DDX19B: variants seen among roughly 807,000 people sequenced by gnomAD.
The protein encoded by DDX19B is DEAD-box helicase 19B.
In DDX19B, 27 loss-of-function variants were observed where a neutral mutation model predicts 58.1. That is an observed-to-expected ratio of 0.46 (90% CI 0.34 to 0.64). DDX19B has a LOEUF of 0.64. Ranked by LOEUF, DDX19B falls within the 30% of genes least tolerant of loss-of-function variation. The probability of loss-of-function intolerance (pLI) is 0.01; values close to 1 mark genes in which losing one functional copy is unlikely to be tolerated. For missense variants in DDX19B, 399 were observed against 596.5 expected (o/e 0.67, Z 3.45); for synonymous variants, 187 against 214.4 (o/e 0.87, Z 1.12).
intron 1 of DDX19B, among the ~76,000 whole-genome samples, chr16:70,301,038 T>C (rs1329564416): frequency 6.6e-6 from 1 of 152,256 alleles, no homozygotes; most frequent in East Asian, 1.9e-4. Flanking sequence ...GTTACTCCTG[T>C]CTTTAGAGCA....
At chr16:70,313,940 C>A (rs1175830670) in intron 2 of DDX19B, among the ~76,000 whole-genome samples, 2 of 151,954 alleles carry the variant, frequency 1.3e-5, no homozygotes, top group African/African-American at 4.8e-5. Flanking sequence ...GAAACCCCAT[C>A]TCTACTAAAA....
At chr16:70,329,204 C>G (rs1006262375) in intron 7 of DDX19B, 88 bp from the exon 8 acceptor site, 10 of 1,479,064 alleles carry the variant, frequency 6.8e-6, no homozygotes, top group South Asian at 2.5e-5. Flanking sequence ...GCCTGGGCAA[C>G]AGAGTGAGAC....
In DDX19B at chr16:70,331,738, G is replaced by T. The variant is rs752066690; in HGVS notation, c.1040G>T (p.Ser347Ile). The T allele has an allele frequency of 6.2e-7, 1 of 1,613,962 alleles. No homozygotes were observed. Among genetic ancestry groups the T allele is most frequent in the Non-Finnish European group, 8.5e-7 (1 of 1,180,002 alleles). The change falls in exon 10 of 12, where the codon AGT becomes ATT. Residue 347 changes from serine to isoleucine, a missense_variant. Around this residue, in one of 4 missense-constraint regions of DDX19B, gnomAD observed 198 missense variants for 345.9 expected, o/e 0.57. Transcript: ENST00000288071. ...MIFCHTRKTA[S>I]WLAAELSKEG... Reference sequence around the variant, plus strand: ...TCACTACAGACTCGCAAAACAGCTAGTTGGCTGGCAGCAGAGCTCTCAAAA... The same window carrying T: ...TCACTACAGACTCGCAAAACAGCTATTTGGCTGGCAGCAGAGCTCTCAAAA...
Position 70,332,561 on chromosome 16 carries a change from A to G in DDX19B, c.1187-407A>G, listed in dbSNP as rs1963534967. Among the ~76,000 whole-genome samples, 5 of 152,074 alleles carry G rather than the reference A, an allele frequency of 3.3e-5. No homozygotes were observed. The South Asian group carries it at 1.0e-3, about 32-fold the overall frequency. The stretch of plus-strand genomic sequence containing the variant: ...GATGATCTGCCTGCCTCGGCCTCCC[A>G]AAGTGCTGGGATTACCGGTATGAGC... On this transcript the variant is annotated intron_variant, in intron 10 of 11. Transcript: ENST00000288071.
chr16:70,295,016 G>C, upstream of DDX19B: 2 of 1,362,428 alleles, frequency 1.5e-6, no homozygotes, highest in Non-Finnish European at 1.9e-6. Flanking sequence ...TATTTCTCGA[G>C]GCTTCGGCCC....
intron 5 of DDX19B, among the ~76,000 whole-genome samples, chr16:70,318,266 C>T (rs1295530901): frequency 6.7e-6 from 1 of 149,588 alleles, no homozygotes; most frequent in Non-Finnish European, 1.5e-5. Context: ...CCCAGCTACT[C>T]GGGAAGCTGA....
chr16:70,296,827 T>TGTG (rs542233569), upstream of DDX19B, among the ~76,000 whole-genome samples: 123 of 152,316 alleles, frequency 8.1e-4, no homozygotes, highest in African/African-American at 2.9e-3. Context: ...CTGGAACTGC[T>TGTG]TTACCCTTTC....
Position 70,333,774 on chromosome 16 carries a change from A to T in DDX19B, c.*192A>T. On this transcript the variant is annotated 3_prime_UTR_variant, in exon 12 of 12. Transcript: ENST00000288071. Reference sequence around the variant, plus strand: ...TGATGGGGGATGGTAGAAAAAAATTATTTACACAACCTTGGAAGATTAGGC... The same window carrying T: ...TGATGGGGGATGGTAGAAAAAAATTTTTTACACAACCTTGGAAGATTAGGC... 1 of 776,756 alleles carries T rather than the reference A, an allele frequency of 1.3e-6. No homozygotes were observed. The highest frequency in any genetic ancestry group is 2.1e-6 in the Non-Finnish European group (1 of 474,626). The allele number at this position is 776,756 out of a possible 1,614,324, so 48.1% of individuals were successfully genotyped here. A position where few individuals can be genotyped will look rare whatever the true frequency, so the allele number is the denominator to read the frequency against.
chr16:70,293,632 T>C (rs1396299853), upstream of DDX19B, among the ~76,000 whole-genome samples: 2 of 110,568 alleles, frequency 1.8e-5, no homozygotes, highest in Non-Finnish European at 3.6e-5. Flanking sequence ...TGAGACGGAG[T>C]CTCGCTCTGT....
chr16:70,329,778 TC>T, intron 8 of DDX19B, 52 bp from the exon 9 acceptor site: 2 of 1,609,264 alleles, frequency 1.2e-6, no homozygotes, highest in Non-Finnish European at 1.7e-6. Flanking sequence ...AGGCTGTGCT[TC>T]TGTCGCTTCC....
chr16:70,293,228 G>A (rs1049690427), upstream of DDX19B, among the ~76,000 whole-genome samples: 1 of 152,032 alleles, frequency 6.6e-6, no homozygotes, highest in Non-Finnish European at 1.5e-5. Context: ...ACTAGCCTGA[G>A]CAACATGACA....
chr16:70,317,903 C>A (rs1440716605), intron 5 of DDX19B: 1 of 171,380 alleles, frequency 5.8e-6, no homozygotes, highest in Non-Finnish European at 1.2e-5. Flanking sequence ...CATGATCATA[C>A]CATTGTACTC....
At chr16:70,332,835 C>A in intron 10 of DDX19B, 133 bp from the exon 11 acceptor site, 1 of 1,528,300 alleles carries the variant, frequency 6.5e-7, no homozygotes, top group South Asian at 1.2e-5. Context: ...TGGCTTCCTG[C>A]ACTCAATGTC....
At chr16:70,319,438 C>T (rs1427312606) in intron 5 of DDX19B, among the ~76,000 whole-genome samples, 1 of 152,124 alleles carries the variant, frequency 6.6e-6, no homozygotes, top group Non-Finnish European at 1.5e-5. Context: ...AATAAGCTTG[C>T]AGGTGATGCT....
intron 1 of DDX19B, among the ~76,000 whole-genome samples, chr16:70,311,257 GT>G (rs1471379387): frequency 6.6e-6 from 1 of 151,852 alleles, no homozygotes. Context: ...GCGGGCGCCT[GT>G]AGTCTCAGCT....
chr16:70,309,947 G>C (rs1470253088), intron 1 of DDX19B, among the ~76,000 whole-genome samples: 2 of 151,928 alleles, frequency 1.3e-5, no homozygotes, highest in Non-Finnish European at 2.9e-5. Context: ...TGGACTTAGA[G>C]GGACAACAGA....
upstream of DDX19B, among the ~76,000 whole-genome samples, chr16:70,294,343 A>T (rs1018380415): frequency 6.6e-6 from 1 of 151,974 alleles, no homozygotes; most frequent in Non-Finnish European, 1.5e-5. Context: ...GGCCTCCCAA[A>T]GTGCTGGGAT....
chr16:70,301,351 A>G (rs1487663273), intron 1 of DDX19B, among the ~76,000 whole-genome samples: 1 of 152,164 alleles, frequency 6.6e-6, no homozygotes, highest in Non-Finnish European at 1.5e-5. Context: ...TTTTCCTGCC[A>G]AATTTTAAAT....
upstream of DDX19B, among the ~76,000 whole-genome samples, chr16:70,293,769 G>A (rs1242028544): frequency 6.7e-6 from 1 of 149,762 alleles, no homozygotes; most frequent in Non-Finnish European, 1.5e-5. Context: ...CCGCCACCGT[G>A]CCCGGCTAAT....
Sources: allele counts gnomAD v4.1 joint callset (sites outside exome capture counted in the v4.1 genomes callset), GRCh38; gene constraint gnomAD v4.1.1; regional missense constraint gnomAD v4.1.1; transcripts MANE v1.5; gene names NCBI Gene and HGNC (gene_info 2026-07-23, HGNC 2026-07-21).